Variants in CNTNAP2 observed in about 807,000 individuals in gnomAD.
CNTNAP2 encodes contactin associated protein 2.
CNTNAP2 carries 98 observed loss-of-function variants against 155.2 expected under a neutral mutation model. The observed-to-expected ratio is 0.63, with a 90% confidence interval of 0.54 to 0.75. The LOEUF is 0.75. Ranked by LOEUF, CNTNAP2 falls within the 30% of genes least tolerant of loss-of-function variation. CNTNAP2 has a pLI of 0.00. For missense variants in CNTNAP2, 1,727 were observed against 1,688.1 expected (o/e 1.02, Z -0.40); for synonymous variants, 651 against 631.2 (o/e 1.03, Z -0.47).
chr7:146,415,712 T>A (rs931412863), intron 1 of CNTNAP2, among the ~76,000 whole-genome samples: 4 of 152,056 alleles, frequency 2.6e-5, no homozygotes, highest in African/African-American at 9.7e-5. Context: ...TTAAAAAAAA[T>A]TTGCAACCAA....
chr7:146,849,077 A>G (rs2129202660), intron 3 of CNTNAP2, among the ~76,000 whole-genome samples: 1 of 152,302 alleles, frequency 6.6e-6, no homozygotes, highest in East Asian at 1.9e-4. Context: ...CACTGCACCC[A>G]GCAAAAAGCT....
intron 1 of CNTNAP2, among the ~76,000 whole-genome samples, chr7:146,145,370 C>T (rs1007503718): frequency 4.6e-5 from 7 of 152,142 alleles, no homozygotes; most frequent in Non-Finnish European, 8.8e-5. Flanking sequence ...GAACATACTA[C>T]ATTTTAGCTG....
intron 15 of CNTNAP2, among the ~76,000 whole-genome samples, chr7:148,063,839 C>G (rs931195732): frequency 2.0e-5 from 3 of 151,980 alleles, no homozygotes; most frequent in Non-Finnish European, 4.4e-5. Context: ...CTGATGTTAT[C>G]CTCTAGAATT....
At chr7:146,180,507 A>G (rs1798534939) in intron 1 of CNTNAP2, among the ~76,000 whole-genome samples, 1 of 152,114 alleles carries the variant, frequency 6.6e-6, no homozygotes, top group Non-Finnish European at 1.5e-5. Context: ...TTAAATTCCC[A>G]GTATTAATGT....
chr7:147,336,816 C>A (rs542043548), intron 9 of CNTNAP2, among the ~76,000 whole-genome samples: 3 of 152,188 alleles, frequency 2.0e-5, no homozygotes, highest in East Asian at 3.9e-4. Context: ...TACTGTTTTT[C>A]ATAGCCACCT....
chr7:146,373,438 G>T (rs1795264609), intron 1 of CNTNAP2, among the ~76,000 whole-genome samples: 1 of 145,644 alleles, frequency 6.9e-6, no homozygotes, highest in Non-Finnish European at 1.5e-5. Flanking sequence ...ACACACTTAG[G>T]CATGAGGTCA....
At chr7:146,152,324 A>G (rs2116779526) in intron 1 of CNTNAP2, among the ~76,000 whole-genome samples, 1 of 152,250 alleles carries the variant, frequency 6.6e-6, no homozygotes, top group African/African-American at 2.4e-5. Flanking sequence ...TTGCTGTCAT[A>G]GAAGTAATGA....
chr7:148,138,596 A>G (rs1383359695), intron 16 of CNTNAP2, among the ~76,000 whole-genome samples: 6 of 152,134 alleles, frequency 3.9e-5, no homozygotes, highest in Admixed American at 3.9e-4. Context: ...TCCCCTCCTC[A>G]ATCTGCTCTC....
intron 22 of CNTNAP2, among the ~76,000 whole-genome samples, chr7:148,403,507 C>G (rs755222035): frequency 6.6e-6 from 1 of 152,134 alleles, no homozygotes; most frequent in Non-Finnish European, 1.5e-5. Context: ...TAAATTAACA[C>G]GCCAAATTTG....
intron 2 of CNTNAP2, among the ~76,000 whole-genome samples, chr7:146,787,559 G>C (rs971766283): frequency 1.4e-4 from 21 of 152,132 alleles, no homozygotes; most frequent in Admixed American, 1.1e-3. Flanking sequence ...AGACCTTCAC[G>C]GTGAGTGTTA....
chr7:147,573,886 G>C (rs1456326530), intron 12 of CNTNAP2, among the ~76,000 whole-genome samples: 3 of 152,116 alleles, frequency 2.0e-5, no homozygotes, highest in African/African-American at 4.8e-5. Context: ...TCCCCTGGTA[G>C]CTTCTTGATC....
chr7:147,436,371 TA>T (rs1797547633), intron 10 of CNTNAP2, among the ~76,000 whole-genome samples: 1 of 152,316 alleles, frequency 6.6e-6, no homozygotes, highest in South Asian at 2.1e-4. Flanking sequence ...AAATTTCAGT[TA>T]AAAATTTTTA....
intron 1 of CNTNAP2, among the ~76,000 whole-genome samples, chr7:146,158,473 G>T (rs749929375): frequency 2.0e-5 from 3 of 152,134 alleles, no homozygotes; most frequent in Non-Finnish European, 4.4e-5. Flanking sequence ...AGAACTCATC[G>T]CAAAGAAGCT....
At chr7:146,874,833 T>G (rs1795387565) in intron 3 of CNTNAP2, among the ~76,000 whole-genome samples, 1 of 152,222 alleles carries the variant, frequency 6.6e-6, no homozygotes, top group African/African-American at 2.4e-5. Flanking sequence ...CTGCAAAGAA[T>G]TATTTCAGAG....
intron 4 of CNTNAP2, among the ~76,000 whole-genome samples, chr7:147,106,532 C>A (rs1800769726): frequency 6.6e-6 from 1 of 151,770 alleles, no homozygotes; most frequent in Admixed American, 6.6e-5. Context: ...TTTTTATGGG[C>A]AATAAAGAGC....
intron 21 of CNTNAP2, among the ~76,000 whole-genome samples, chr7:148,323,790 G>C (rs147530440): frequency 3.9e-5 from 6 of 152,062 alleles, no homozygotes; most frequent in Admixed American, 3.3e-4. Context: ...GGGAGGAGGC[G>C]TGAAGAGGCA....
At position 148,383,871 on chromosome 7, in the gene CNTNAP2, T is replaced by G; in HGVS notation, c.3698T>G (p.Leu1233Arg). 1 of 1,613,820 alleles carries G rather than the reference T, an allele frequency of 6.2e-7. No individual in the cohort carries two copies. Among genetic ancestry groups the G allele is most frequent in the Non-Finnish European group, 8.5e-7 (1 of 1,179,980 alleles). Reference sequence around the variant, plus strand: ...TCGTCCGCCACCGACCCCTGGCACCTGGATCACCTGGATTCAGGTAAAGTC... The same window carrying G: ...TCGTCCGCCACCGACCCCTGGCACCGGGATCACCTGGATTCAGGTAAAGTC... ...PMSSATDPWH[L>R]DHLDSASADF... is the part of the protein sequence containing the mutation. Residue 1233 changes from leucine to arginine, a missense_variant, in exon 22 of 24, where the codon CTG (leucine) becomes CGG (arginine). Transcript: ENST00000361727.
rs753540161 is a variant in CNTNAP2, at chr7:147,300,125, A to G, written c.1349-16A>G. ...TAATTTTAAGATAAAAATGACTTTT[A>G]TCTTGTACTTACCAGGTTCTGGGTT... On this transcript the variant is annotated splice_polypyrimidine_tract_variant and intron_variant, in intron 8 of 23. Coordinates refer to ENST00000361727, the MANE Select transcript of CNTNAP2 (RefSeq NM_014141.6). 1.9e-6 allele frequency: 3 copies of G among 1,613,536 alleles called. No homozygotes were observed.
intron 1 of CNTNAP2, among the ~76,000 whole-genome samples, chr7:146,563,665 G>A (rs565159210): frequency 4.6e-5 from 7 of 152,166 alleles, no homozygotes; most frequent in South Asian, 4.1e-4. Flanking sequence ...TTGATCTTAC[G>A]GTGTCTGCTA....
Sources: allele counts gnomAD v4.1 joint callset (sites outside exome capture counted in the v4.1 genomes callset), GRCh38; gene constraint gnomAD v4.1.1; transcripts MANE v1.5; gene names NCBI Gene and HGNC (gene_info 2026-07-23, HGNC 2026-07-21).